Variants in ISM2 observed in about 807,000 individuals in gnomAD.
ISM2 encodes isthmin-2.
ISM2 carries 50 observed loss-of-function variants against 58.0 expected under a neutral mutation model. The ratio of observed to expected loss-of-function variants is 0.86; its 90% CI spans 0.69 to 1.09. The LOEUF (loss-of-function observed/expected upper bound fraction) is 1.09, where lower values mean the gene tolerates loss of function less well. ISM2 is among the 50% of genes least tolerant of loss of function. The probability of loss-of-function intolerance (pLI) is 0.00; values close to 1 mark genes in which losing one functional copy is unlikely to be tolerated. For synonymous variants in ISM2, 303 were observed against 312.4 expected (o/e 0.97, Z 0.32); for missense variants, 723 against 745.0 (o/e 0.97, Z 0.34).
chr14:77,484,920 C>G lies in ISM2; in HGVS notation c.142-1G>C, dbSNP rs2079158544. 1 of 1,541,386 alleles carries G rather than the reference C, an allele frequency of 6.5e-7. No homozygotes were observed. ...GCCTAGGATCTGGGGAGGCTGAGAC[C>G]TGAGGGAGAGAGAAGGAAGGTAAGG... is the stretch of plus-strand genomic sequence containing the variant. On this transcript the variant is annotated splice_acceptor_variant, in intron 1 of 6. Transcript: ENST00000342219. LOFTEE classifies it high-confidence loss of function.
chr14:77,494,845 C>T (rs1447002445), intron 1 of ISM2, among the ~76,000 whole-genome samples: 1 of 152,106 alleles, frequency 6.6e-6, no homozygotes, highest in East Asian at 1.9e-4. Context: ...TGGACAGAAC[C>T]ATAAAGATGA....
chr14:77,477,886 TC>T (rs2079107645), intron 6 of ISM2, among the ~76,000 whole-genome samples: 1 of 151,988 alleles, frequency 6.6e-6, no homozygotes, highest in Non-Finnish European at 1.5e-5. Context: ...CTGCACTGCA[TC>T]CCCCTCTCCA....
At chr14:77,478,377 C>T (rs773160538) in intron 5 of ISM2, 52 bp from the exon 6 acceptor site, 28 of 1,533,980 alleles carry the variant, frequency 1.8e-5, no homozygotes, top group Middle Eastern at 1.7e-4. Flanking sequence ...ACCTCAGTGC[C>T]GCTGATGGGG....
At chr14:77,492,751 T>C (rs2079214038) in intron 1 of ISM2, among the ~76,000 whole-genome samples, 1 of 152,140 alleles carries the variant, frequency 6.6e-6, no homozygotes, top group Non-Finnish European at 1.5e-5. Flanking sequence ...CTCGCGCCTG[T>C]AATCCCAGAA....
At chr14:77,494,020 GC>G (rs1555371618) in intron 1 of ISM2, among the ~76,000 whole-genome samples, 2 of 148,372 alleles carry the variant, frequency 1.3e-5, no homozygotes, top group Non-Finnish European at 3.0e-5. Flanking sequence ...CTTGTGATCC[GC>G]CCGCCTCGGC....
intron 1 of ISM2, among the ~76,000 whole-genome samples, chr14:77,490,622 G>C (rs566879196): frequency 2.0e-5 from 3 of 152,210 alleles, no homozygotes; most frequent in Non-Finnish European, 4.4e-5. Context: ...CTAACTCCAG[G>C]CAGTGGCTGC....
chr14:77,485,110 C>T (rs78371502), intron 1 of ISM2, among the ~76,000 whole-genome samples, 191 bp from the exon 2 acceptor site: 5,747 of 152,236 alleles, frequency 0.038, 145 homozygotes, highest in Middle Eastern at 0.068. Flanking sequence ...AGGCCCTCAA[C>T]GGGTAAGTGA....
intron 1 of ISM2, among the ~76,000 whole-genome samples, chr14:77,494,814 C>T (rs2079228535): frequency 6.6e-6 from 1 of 152,180 alleles, no homozygotes; most frequent in Non-Finnish European, 1.5e-5. Flanking sequence ...ATCATGAAGA[C>T]TCATGGAACG....
At chr14:77,485,730 G>C (rs1036266680) in intron 1 of ISM2, among the ~76,000 whole-genome samples, 4 of 152,216 alleles carry the variant, frequency 2.6e-5, no homozygotes, top group Non-Finnish European at 5.9e-5. Flanking sequence ...TCCCAGAGCT[G>C]CCTTATGAGT....
intron 6 of ISM2, among the ~76,000 whole-genome samples, chr14:77,478,005 T>C (rs1024691616): frequency 2.6e-5 from 4 of 152,058 alleles, no homozygotes; most frequent in African/African-American, 9.7e-5. Context: ...CACCAGATGA[T>C]CTCTAAGCTC....
chr14:77,492,299 T>G (rs1050480926), intron 1 of ISM2, among the ~76,000 whole-genome samples: 1 of 152,128 alleles, frequency 6.6e-6, no homozygotes, highest in African/African-American at 2.4e-5. Context: ...GCTCTGGAAT[T>G]AAGCAAAACT....
intron 3 of ISM2, among the ~76,000 whole-genome samples, chr14:77,483,547 C>CA (rs5809837): frequency 0.22 from 24,912 of 111,430 alleles, 2,365 homozygotes; most frequent in Middle Eastern, 0.28. Context: ...GACTCCATCT[C>CA]AAAAAAAAAA....
chr14:77,481,329 G>C (rs2079130773), intron 4 of ISM2, among the ~76,000 whole-genome samples: 1 of 149,864 alleles, frequency 6.7e-6, no homozygotes, highest in African/African-American at 2.4e-5. Flanking sequence ...AACAGAGTGA[G>C]ACTCCACCTC....
chr14:77,481,031 A>AT (rs969679090), intron 4 of ISM2, among the ~76,000 whole-genome samples: 3 of 152,192 alleles, frequency 2.0e-5, no homozygotes, highest in African/African-American at 7.2e-5. Context: ...CTGAACCACA[A>AT]TACGCAAAAA....
chr14:77,498,382 C>T, intron 1 of ISM2: 1 of 1,299,850 alleles, frequency 7.7e-7, no homozygotes, highest in Non-Finnish European at 1.0e-6. Context: ...GGAGTGTCGG[C>T]CACCTCACTC....
intron 1 of ISM2, among the ~76,000 whole-genome samples, chr14:77,491,840 C>T (rs1286871443): frequency 6.6e-6 from 1 of 151,566 alleles, no homozygotes. Context: ...GGATTACAGG[C>T]CCCTGCCACT....
intron 1 of ISM2, among the ~76,000 whole-genome samples, chr14:77,497,524 CAAAATAA>C (rs2079251392): frequency 6.6e-6 from 1 of 151,078 alleles, no homozygotes; most frequent in Non-Finnish European, 1.5e-5. Flanking sequence ...CCCATCTCTA[CAAAATAA>C]AAAATAAAAA....
chr14:77,488,000 C>T (rs2079178613), intron 1 of ISM2, among the ~76,000 whole-genome samples: 2 of 152,216 alleles, frequency 1.3e-5, no homozygotes, highest in African/African-American at 4.8e-5. Flanking sequence ...CCCAGAAGGG[C>T]TGAGGGGATC....
chr14:77,478,128 C>T, intron 6 of ISM2, 114 bp downstream of exon 6: 2 of 834,636 alleles, frequency 2.4e-6, no homozygotes, highest in East Asian at 2.5e-5. Flanking sequence ...CAGATGGAAG[C>T]TGTGCTCTCT....
Sources: gnomAD v4.1 joint callset for allele counts (sites outside exome capture counted in the v4.1 genomes callset) on GRCh38, gnomAD v4.1.1 for gene constraint, MANE v1.5 for transcripts, NCBI Gene and HGNC (gene_info 2026-07-23, HGNC 2026-07-21) for gene names.